The following SPMIP2 variants were observed in gnomAD, a reference collection of about 807,000 sequenced individuals.
SPMIP2 encodes protein SPMIP2.
At chr4:158,914,472 T>C in the SPMIP2 span, among the ~76,000 whole-genome samples, 1 of 152,166 alleles carries the variant, frequency 6.6e-6, no homozygotes, top group African/African-American at 2.4e-5. Context: ...GGAACAGGAG[T>C]CTCTGAATGG....
At chr4:158,900,156 T>G in the SPMIP2 span, among the ~76,000 whole-genome samples, 2 of 152,232 alleles carry the variant, frequency 1.3e-5, no homozygotes, top group Non-Finnish European at 2.9e-5. Flanking sequence ...TGTGTGGTTT[T>G]GAGTGAGTTT....
chr4:159,007,944 A>T, the SPMIP2 span: 2 of 390,856 alleles, frequency 5.1e-6, no homozygotes, highest in Non-Finnish European at 1.0e-5. Context: ...TCTTTAAGAA[A>T]TGGTATATTT....
the SPMIP2 span, among the ~76,000 whole-genome samples, chr4:158,908,679 A>G: frequency 6.6e-6 from 1 of 152,166 alleles, no homozygotes; most frequent in African/African-American, 2.4e-5. Context: ...CTCTGTATAT[A>G]GATGCCTACT....
the SPMIP2 span, among the ~76,000 whole-genome samples, chr4:159,003,427 G>C: frequency 6.6e-6 from 1 of 152,104 alleles, no homozygotes; most frequent in African/African-American, 2.4e-5. Flanking sequence ...TGTGAGGCAT[G>C]TCTAGTCCTA....
At chr4:159,037,533 C>A in the SPMIP2 span, among the ~76,000 whole-genome samples, 3 of 151,388 alleles carry the variant, frequency 2.0e-5, no homozygotes, top group Non-Finnish European at 4.4e-5. Flanking sequence ...AATCCCAGCA[C>A]TTTGGGAGGT....
the SPMIP2 span, among the ~76,000 whole-genome samples, chr4:159,080,130 A>G: frequency 6.6e-6 from 1 of 152,234 alleles, no homozygotes; most frequent in African/African-American, 2.4e-5. Flanking sequence ...GTGACTGTAC[A>G]GACTTTTTCT....
At chr4:158,984,725 A>G in the SPMIP2 span, among the ~76,000 whole-genome samples, 1 of 152,190 alleles carries the variant, frequency 6.6e-6, no homozygotes, top group Non-Finnish European at 1.5e-5. Flanking sequence ...TAAAAGAACT[A>G]GAAAAGAAAG....
At chr4:158,983,244 A>G in the SPMIP2 span, among the ~76,000 whole-genome samples, 47 of 152,240 alleles carry the variant, frequency 3.1e-4, no homozygotes, top group Admixed American at 2.6e-3. Flanking sequence ...TCTGCAGGAT[A>G]TTATCCAGGA....
chr4:158,936,667 G>C, the SPMIP2 span, among the ~76,000 whole-genome samples: 116,622 of 152,226 alleles, frequency 0.77, 45,079 homozygotes, highest in East Asian at 0.95. Flanking sequence ...CCCTTTGGAA[G>C]ATTCACAGGA....
At chr4:158,901,128 ATTT>A in the SPMIP2 span, among the ~76,000 whole-genome samples, 5 of 112,286 alleles carry the variant, frequency 4.5e-5, no homozygotes, top group Admixed American at 9.9e-5. Flanking sequence ...CTGGGTTGAA[ATTT>A]TTTTTTTTTT....
chr4:158,983,425 C>T, the SPMIP2 span, among the ~76,000 whole-genome samples: 2 of 151,646 alleles, frequency 1.3e-5, no homozygotes, highest in Admixed American at 6.6e-5. Context: ...GGTCGGGTTA[C>T]CCACAAAGGG....
chr4:158,934,350 T>A, the SPMIP2 span, among the ~76,000 whole-genome samples: 9 of 152,076 alleles, frequency 5.9e-5, no homozygotes, highest in Non-Finnish European at 1.2e-4. Context: ...TAACCCCAGC[T>A]ACTCGGGAGG....
chr4:159,073,050 A>G, the SPMIP2 span, among the ~76,000 whole-genome samples: 1 of 152,182 alleles, frequency 6.6e-6, no homozygotes, highest in Non-Finnish European at 1.5e-5. Flanking sequence ...GTGTAATCCC[A>G]TTTGTCTTTT....
At chr4:158,931,812 C>T in the SPMIP2 span, among the ~76,000 whole-genome samples, 1 of 152,060 alleles carries the variant, frequency 6.6e-6, no homozygotes, top group Non-Finnish European at 1.5e-5. Context: ...ATCTGCCCAC[C>T]TTGGCCTCCC....
chr4:158,970,398 G>A, the SPMIP2 span, among the ~76,000 whole-genome samples: 1 of 152,054 alleles, frequency 6.6e-6, no homozygotes, highest in South Asian at 2.1e-4. Context: ...AAATTATCTA[G>A]GTGTGGTGGC....
the SPMIP2 span, among the ~76,000 whole-genome samples, chr4:158,924,652 G>A: frequency 6.6e-6 from 1 of 152,156 alleles, no homozygotes. Flanking sequence ...GAAGCACTGG[G>A]ATTACACGAG....
chr4:158,901,717 C>T, the SPMIP2 span, among the ~76,000 whole-genome samples: 5 of 151,814 alleles, frequency 3.3e-5, no homozygotes, highest in South Asian at 4.2e-4. Context: ...CTTGTCTTCA[C>T]GCTTTATTTC....
the SPMIP2 span, among the ~76,000 whole-genome samples, chr4:159,059,803 A>C: frequency 6.6e-6 from 1 of 152,230 alleles, no homozygotes; most frequent in Non-Finnish European, 1.5e-5. Flanking sequence ...TGACTCCTAA[A>C]AAATGAGGCA....
the SPMIP2 span, among the ~76,000 whole-genome samples, chr4:158,901,397 CCTCT>C: frequency 5.3e-5 from 8 of 152,048 alleles, no homozygotes; most frequent in Non-Finnish European, 1.5e-5. Flanking sequence ...GGTAACCTGA[CCTCT>C]CTCTGGCTGC....
Sources: gnomAD v4.1 joint callset for allele counts (sites outside exome capture counted in the v4.1 genomes callset) on GRCh38, gnomAD v4.1.1 for gene constraint, MANE v1.5 for transcripts, NCBI Gene and HGNC (gene_info 2026-07-23, HGNC 2026-07-21) for gene names.